Variants in STON1 observed in about 807,000 individuals in gnomAD.
STON1 encodes stonin 1, also known as stonin-1.
STON1 carries 79 observed loss-of-function variants against 60.9 expected under a neutral mutation model. The ratio of observed to expected loss-of-function variants is 1.30; its 90% CI spans 1.08 to 1.56. The LOEUF is 1.56. Among genes scored for constraint, STON1 ranks in the 40% most tolerant of loss-of-function variants. STON1 has a pLI of 0.00. For missense variants in STON1, 1,166 were observed against 858.9 expected (o/e 1.36, Z -4.47); for synonymous variants, 363 against 306.9 (o/e 1.18, Z -1.91).
At chr2:48,593,337 G>A (rs1190513097) in intron 3 of STON1, among the ~76,000 whole-genome samples, 3 of 151,030 alleles carry the variant, frequency 2.0e-5, no homozygotes, top group African/African-American at 4.9e-5. Context: ...GGCTGGTCTC[G>A]AACTCCTGAC....
In STON1 at chr2:48,592,455, G is replaced by A. The variant is rs113669670; in HGVS notation, c.2133+600G>A. ...TTTTCAGTTTTTTTTTTTTTAAGAC[G>A]GCATCTCACTCTGTCACCCAGGCTG... On this transcript the variant is annotated intron_variant, in intron 3 of 3. Transcript: ENST00000404752. Among the ~76,000 whole-genome samples the A allele has an allele frequency of 3.8e-3, 574 of 149,834 alleles. 7 individuals carry two copies. Among genetic ancestry groups the A allele is most frequent in the African/African-American group, 0.014 (555 of 40,770 alleles).
At chr2:48,565,634 A>G (rs1672911126) in intron 1 of STON1, among the ~76,000 whole-genome samples, 1 of 152,206 alleles carries the variant, frequency 6.6e-6, no homozygotes, top group African/African-American at 2.4e-5. Context: ...CTAGAAAAAG[A>G]TTCATAGCAA....
At chr2:48,579,789 G>A (rs981209470) in intron 1 of STON1, among the ~76,000 whole-genome samples, 3 of 152,118 alleles carry the variant, frequency 2.0e-5, no homozygotes, top group Admixed American at 6.5e-5. Flanking sequence ...TGGATGTTCT[G>A]TGTATTGTTG....
rs1426196509 is a variant in STON1, at chr2:48,580,932, A to G, written c.299A>G (p.His100Arg). 2 of 1,600,002 alleles carry G rather than the reference A, an allele frequency of 1.3e-6. No individual in the cohort carries two copies. The highest frequency in any genetic ancestry group is 2.3e-5 in the South Asian group (2 of 87,890). ...GFPGIPKAGTHVLYPIPESSS... is the reference protein window; with the variant it reads ...GFPGIPKAGTRVLYPIPESSS... ...CCTGGCATCCCCAAAGCAGGGACTC[A>G]TGTGCTTTATCCTATTCCAGAATCA... is the stretch of plus-strand genomic sequence containing the variant. Residue 100 changes from histidine to arginine, a missense_variant, in exon 2 of 4, where the codon CAT becomes CGT. Transcript: ENST00000404752.
chr2:48,586,648 C>T (rs989579402), intron 2 of STON1, among the ~76,000 whole-genome samples: 1 of 152,030 alleles, frequency 6.6e-6, no homozygotes, highest in Non-Finnish European at 1.5e-5. Context: ...GGGGAAGAGA[C>T]CAGTGTATTA....
intron 1 of STON1, among the ~76,000 whole-genome samples, chr2:48,543,383 C>T (rs2103762635): frequency 6.6e-6 from 1 of 152,188 alleles, no homozygotes; most frequent in Non-Finnish European, 1.5e-5. Flanking sequence ...ATAGCCCTCC[C>T]AGCCTATTGT....
intron 1 of STON1, among the ~76,000 whole-genome samples, chr2:48,564,462 TTC>T (rs1469837455): frequency 1.1e-3 from 58 of 53,500 alleles, no homozygotes; most frequent in African/African-American, 2.8e-3. Context: ...CTTCTTCTTC[TTC>T]TTCTTCTTCT....
At position 48,582,392 on chromosome 2, in the gene STON1, C is replaced by A. The variant is rs267599397; in HGVS notation, c.1759C>A (p.Leu587Ile). The stretch of plus-strand genomic sequence containing the variant: ...GATCAAGGCCCTTTGGACCATGAAC[C>A]TCCAGAGGCAGAAGTCTCTGAAAGC... ...QWIKALWTMN[L>I]QRQKSLKAKM... Residue 587 changes from leucine to isoleucine, a missense_variant, in exon 2 of 4, where the codon CTC (leucine) becomes ATC (isoleucine). Leu to Ile is a conservative substitution (Grantham distance 5, BLOSUM62 2). Transcript: ENST00000404752. 2 of 1,614,160 alleles carry A rather than the reference C, an allele frequency of 1.2e-6. No homozygotes were observed. Among genetic ancestry groups the A allele is most frequent in the Non-Finnish European group, 1.7e-6 (2 of 1,180,030 alleles).
intron 1 of STON1, among the ~76,000 whole-genome samples, chr2:48,545,228 G>A (rs888255175): frequency 1.3e-5 from 2 of 152,148 alleles, no homozygotes; most frequent in Admixed American, 1.3e-4. Context: ...TGTTGTTTTA[G>A]GCATCTGACA....
rs1241898892 is a variant in STON1, at chr2:48,564,405, GTCTTCT to G, written c.-47-16111_-47-16106del. On this transcript the variant is annotated intron_variant, in intron 1 of 3. Transcript: ENST00000404752. ...TAGGTCCTCCAGTGGCAGTGGCGGT[GTCTTCT>G]TCTTCTTCTTCTTCTTCTTCTTCTT... Among the ~76,000 whole-genome samples the G allele has an allele frequency of 9.8e-3, 812 of 82,940 alleles. 7 individuals are homozygous for G. Among genetic ancestry groups the G allele is most frequent in the Middle Eastern group, 0.024 (4 of 166 alleles). 54.4% of individuals were successfully genotyped at this position (82,940 alleles called of 152,430 possible).
intron 1 of STON1, among the ~76,000 whole-genome samples, chr2:48,552,939 C>G (rs1471304919): frequency 2.6e-5 from 4 of 152,124 alleles, no homozygotes; most frequent in Non-Finnish European, 4.4e-5. Context: ...GTGGTTCTTG[C>G]TTGAGGTTTC....
rs1334121792 is a variant in STON1, at chr2:48,595,823, T to C, written c.*521T>C. 1 of 153,152 alleles carries C rather than the reference T, an allele frequency of 6.5e-6. No individual in the cohort carries two copies. Among genetic ancestry groups the C allele is most frequent in the Non-Finnish European group, 1.5e-5 (1 of 68,830 alleles). 9.5% of individuals were successfully genotyped at this position (153,152 alleles called of 1,614,324 possible). On this transcript the variant is annotated 3_prime_UTR_variant, in exon 4 of 4. Coordinates refer to ENST00000404752, the MANE Select transcript of STON1 (RefSeq NM_006873.4). ...GCTAAAATGTAGATCTGGAAGTATC[T>C]GTGCTTTTGAATTACTTATTTACCT...
At chr2:48,545,492 C>A (rs1671830220) in intron 1 of STON1, among the ~76,000 whole-genome samples, 1 of 152,202 alleles carries the variant, frequency 6.6e-6, no homozygotes, top group Non-Finnish European at 1.5e-5. Flanking sequence ...TGCTGTCTGT[C>A]TAACCAGAGG....
At chr2:48,567,145 G>T (rs1034942408) in intron 1 of STON1, among the ~76,000 whole-genome samples, 1 of 152,232 alleles carries the variant, frequency 6.6e-6, no homozygotes. Flanking sequence ...AGGTTTTGCT[G>T]TGGTTTAATA....
At chr2:48,587,901 G>A (rs1674304021) in intron 2 of STON1, among the ~76,000 whole-genome samples, 1 of 152,168 alleles carries the variant, frequency 6.6e-6, no homozygotes, top group South Asian at 2.1e-4. Context: ...CTGTGGGCCT[G>A]GCTTGGGGCA....
intron 1 of STON1, among the ~76,000 whole-genome samples, chr2:48,575,577 C>T (rs1415605511): frequency 2.6e-5 from 4 of 151,682 alleles, no homozygotes; most frequent in South Asian, 2.1e-4. Context: ...CACTTGAACC[C>T]GGGAGGCAGA....
intron 1 of STON1, among the ~76,000 whole-genome samples, chr2:48,532,729 A>G (rs1457792255): frequency 1.3e-5 from 2 of 152,154 alleles, no homozygotes; most frequent in African/African-American, 4.8e-5. Context: ...TGGGGTTGTA[A>G]TGAAGGCCAC....
At chr2:48,555,525 C>T (rs1488106969) in intron 1 of STON1, among the ~76,000 whole-genome samples, 1 of 76,894 alleles carries the variant, frequency 1.3e-5, no homozygotes, top group African/African-American at 5.1e-5. Flanking sequence ...CCCTCACGGA[C>T]GAGGCGGCTG....
intron 1 of STON1, among the ~76,000 whole-genome samples, chr2:48,555,198 A>C (rs1168599210): frequency 9.5e-6 from 1 of 104,740 alleles, no homozygotes; most frequent in African/African-American, 3.6e-5. Flanking sequence ...CTATTCCACA[A>C]AGCCGCCATT....
Sources: gnomAD v4.1 joint callset for allele counts (sites outside exome capture counted in the v4.1 genomes callset) on GRCh38, gnomAD v4.1.1 for gene constraint, MANE v1.5 for transcripts, NCBI Gene and HGNC (gene_info 2026-07-23, HGNC 2026-07-21) for gene names.